HSP90AA1: variants seen among roughly 807,000 people sequenced by gnomAD.
HSP90AA1 encodes heat shock protein 90 alpha family class A member 1, also known as heat shock protein HSP 90-alpha.
HSP90AA1 carries 18 observed loss-of-function variants against 73.3 expected under a neutral mutation model. The observed-to-expected ratio is 0.25, with a 90% CI of 0.17 to 0.36. HSP90AA1 has a LOEUF of 0.36. Among genes scored for constraint, HSP90AA1 ranks in the 10% least tolerant of loss-of-function variants. The pLI is 1.00. For missense variants in HSP90AA1, 704 were observed against 874.2 expected (o/e 0.81, Z 2.45); for synonymous variants, 477 against 296.9 (o/e 1.61, Z -6.24).
At position 102,084,368 on chromosome 14, in the gene HSP90AA1, G is replaced by A. The variant is rs373314735; in HGVS notation, c.1147+31C>T. ...CCCAGAAAGTACTTCTTTAATCAGT[G>A]ACAGTGATTATTTTTCCTATCTATA... On this transcript the variant is annotated intron_variant, in intron 6 of 10. Coordinates refer to ENST00000216281, the MANE Select transcript of HSP90AA1 (RefSeq NM_005348.4). The A allele has an allele frequency of 4.6e-5, 74 of 1,594,500 alleles. No homozygotes were observed. In the African/African-American group the frequency reaches 7.8e-4, roughly 17 times the overall value.
chr14:102,083,734 A>T lies in HSP90AA1; in HGVS notation c.1339-41T>A, dbSNP rs773541036. 153 of 1,141,314 alleles carry T rather than the reference A, an allele frequency of 1.3e-4. No homozygotes were observed. In the East Asian group the frequency reaches 3.4e-3, roughly 26 times the overall value. 70.7% of individuals were successfully genotyped at this position (1,141,314 alleles called of 1,614,324 possible). On this transcript the variant is annotated intron_variant, in intron 7 of 10. Transcript: ENST00000216281. ...TTCTTTACAAAGACTTTCTGAATTA[A>T]AAAAAAAAAAAAAAAACTAAAGAGG...
rs1197916169 is a variant in HSP90AA1, at chr14:102,080,927, T to A, written c.*785A>T. On this transcript the variant is annotated 3_prime_UTR_variant, in exon 11 of 11. Transcript: ENST00000216281. ...CTGAGTACATGCTGGGAAGACCATG[T>A]CAACCCTTGGAGCAGCTAGTGTTTA... The A allele has an allele frequency of 4.4e-6, 1 of 228,396 alleles. No homozygotes were observed. Among genetic ancestry groups the A allele is most frequent in the Non-Finnish European group, 8.7e-6 (1 of 115,104 alleles). 14.1% of individuals were successfully genotyped at this position (228,396 alleles called of 1,614,324 possible).
chr14:102,098,286 C>T (rs989276904), intron 2 of HSP90AA1, among the ~76,000 whole-genome samples: 7 of 150,484 alleles, frequency 4.7e-5, no homozygotes, highest in East Asian at 2.0e-4. Flanking sequence ...CTCAGCCTCC[C>T]GAGTAGCTGG....
At chr14:102,131,750 C>T (rs1301495074) in intron 1 of HSP90AA1, among the ~76,000 whole-genome samples, 1 of 152,214 alleles carries the variant, frequency 6.6e-6, no homozygotes, top group Non-Finnish European at 1.5e-5. Context: ...TTCTCAATCT[C>T]TCTTACCCTG....
chr14:102,122,805 T>C (rs754517236), intron 1 of HSP90AA1, among the ~76,000 whole-genome samples: 26 of 151,584 alleles, frequency 1.7e-4, no homozygotes, highest in Non-Finnish European at 3.2e-4. Context: ...GTAGCTGGGA[T>C]TACAGGTGCC....
At chr14:102,086,161 C>A (rs781608685) in intron 2 of HSP90AA1, 37 bp from the exon 3 acceptor site, 1 of 1,613,968 alleles carries the variant, frequency 6.2e-7, no homozygotes, top group South Asian at 1.1e-5. Context: ...CATACAGCAC[C>A]CCCAAGAAGT....
chr14:102,127,497 A>G (rs189403204), intron 1 of HSP90AA1, among the ~76,000 whole-genome samples: 1 of 152,252 alleles, frequency 6.6e-6, no homozygotes, highest in African/African-American at 2.4e-5. Context: ...ATGGTTTGGA[A>G]CCCACATTTC....
intron 10 of HSP90AA1, 113 bp downstream of exon 10, chr14:102,081,998 C>CCAAG (rs1389458672): frequency 1.2e-6 from 1 of 834,096 alleles, no homozygotes; most frequent in Non-Finnish European, 2.0e-6. Context: ...TTTAATACCT[C>CCAAG]CAAGCAGCAA....
chr14:102,093,321 C>T (rs1172548404), intron 2 of HSP90AA1, among the ~76,000 whole-genome samples: 1 of 151,016 alleles, frequency 6.6e-6, no homozygotes. Flanking sequence ...CCATCCTGGC[C>T]AACATGGTGA....
intron 9 of HSP90AA1, 128 bp from the exon 10 acceptor site, chr14:102,082,572 A>G: frequency 1.4e-6 from 1 of 737,106 alleles, no homozygotes; most frequent in South Asian, 1.6e-5. Flanking sequence ...TACAACTTAA[A>G]TGTCGCATTA....
chr14:102,105,511 G>A (rs186081723), intron 1 of HSP90AA1, among the ~76,000 whole-genome samples: 8 of 152,274 alleles, frequency 5.3e-5, no homozygotes, highest in East Asian at 1.9e-4. Context: ...GGAGGGGACC[G>A]TGTGTGCAAA....
At chr14:102,117,362 A>G (rs1010241559) in intron 1 of HSP90AA1, among the ~76,000 whole-genome samples, 2 of 151,058 alleles carry the variant, frequency 1.3e-5, no homozygotes, top group Non-Finnish European at 3.0e-5. Flanking sequence ...TTCCAGGCCC[A>G]CTTATGGCCA....
chr14:102,131,853 G>C (rs1395797373), intron 1 of HSP90AA1, among the ~76,000 whole-genome samples: 1 of 152,130 alleles, frequency 6.6e-6, no homozygotes, highest in African/African-American at 2.4e-5. Flanking sequence ...TTTTCTCCCT[G>C]TAAGAATATG....
chr14:102,112,141 CCT>C (rs2049649833), intron 1 of HSP90AA1, among the ~76,000 whole-genome samples: 1 of 152,096 alleles, frequency 6.6e-6, no homozygotes, highest in Admixed American at 6.6e-5. Flanking sequence ...GGAGTTTGGA[CCT>C]CTTAGATTCT....
intron 1 of HSP90AA1, among the ~76,000 whole-genome samples, chr14:102,109,497 A>T (rs1186306669): frequency 6.6e-6 from 1 of 152,106 alleles, no homozygotes; most frequent in Non-Finnish European, 1.5e-5. Context: ...TCCCTGCACA[A>T]GCTCTCTCTT....
chr14:102,132,745 G>C (rs970354021), intron 1 of HSP90AA1, among the ~76,000 whole-genome samples: 4 of 152,070 alleles, frequency 2.6e-5, no homozygotes, highest in Non-Finnish European at 4.4e-5. Context: ...GATCACTTGA[G>C]GTCAGGAGTT....
At chr14:102,122,627 C>G (rs1050152014) in intron 1 of HSP90AA1, among the ~76,000 whole-genome samples, 3 of 151,270 alleles carry the variant, frequency 2.0e-5, no homozygotes, top group Non-Finnish European at 4.4e-5. Context: ...CAAGTCCCCC[C>G]ACTCCACTCC....
At chr14:102,090,429 C>T (rs2049338791), upstream of HSP90AA1, among the ~76,000 whole-genome samples, 1 of 151,546 alleles carries the variant, frequency 6.6e-6, no homozygotes, top group East Asian at 2.0e-4. Flanking sequence ...CAGCCTCCTC[C>T]TCTTCCTTCC....
chr14:102,091,885 C>T (rs1773312796), upstream of HSP90AA1, among the ~76,000 whole-genome samples: 1 of 152,008 alleles, frequency 6.6e-6, no homozygotes, highest in African/African-American at 2.4e-5. Context: ...CTGTGGCCTC[C>T]CAAAGTGCTG....
Sources: allele counts gnomAD v4.1 joint callset (sites outside exome capture counted in the v4.1 genomes callset), GRCh38; gene constraint gnomAD v4.1.1; transcripts MANE v1.5; gene names NCBI Gene and HGNC (gene_info 2026-07-23, HGNC 2026-07-21).